Variants in PRPF8 observed in about 807,000 individuals in gnomAD.
PRPF8 encodes the protein pre-mRNA processing factor 8.
PRPF8 carries 64 observed loss-of-function variants against 285.9 expected under a neutral mutation model. The ratio of observed to expected loss-of-function variants is 0.22; its 90% CI spans 0.18 to 0.28. The LOEUF is 0.28. PRPF8 is among the 10% of genes least tolerant of loss of function. The probability of loss-of-function intolerance (pLI) is 1.00; values close to 1 mark genes in which losing one functional copy is unlikely to be tolerated. For missense variants in PRPF8, 1,426 were observed against 3,026.7 expected (o/e 0.47, Z 12.41); for synonymous variants, 1,325 against 1,118.2 (o/e 1.18, Z -3.69).
At chr17:1,684,404 C>A in intron 2 of PRPF8, 68 bp downstream of exon 2, 1 of 1,542,492 alleles carries the variant, frequency 6.5e-7, no homozygotes, top group Non-Finnish European at 8.9e-7. Flanking sequence ...GGAGGGTCCC[C>A]ACCCGCCTGC....
chr17:1,682,067 T>G (rs920338852), intron 4 of PRPF8, 29 bp from the exon 5 acceptor site: 33 of 1,613,412 alleles, frequency 2.0e-5, no homozygotes, highest in Non-Finnish European at 2.7e-5. Flanking sequence ...CACAACCATT[T>G]CTACCCACTG....
At chr17:1,680,130 A>G (rs1181500430) in intron 8 of PRPF8, among the ~76,000 whole-genome samples, 2 of 152,192 alleles carry the variant, frequency 1.3e-5, no homozygotes, top group East Asian at 3.8e-4. Flanking sequence ...CGGAACACAG[A>G]TGAGCATCAA....
Position 1,653,753 on chromosome 17 carries a change from C to G in PRPF8, c.6227+24G>C, listed in dbSNP as rs761335131. On this transcript the variant is annotated intron_variant, in intron 38 of 42. Transcript: ENST00000304992. This position sits in a 1 kb window ranked among gnomAD's most constrained non-coding sequence, Gnocchi z 4.9. ...TAGGTAGTGCAGCCGGCCTTTCCAT[C>G]CCCACCCTCTTGCCCGACAGTACCT... is the stretch of plus-strand genomic sequence containing the variant. 6.2e-7 allele frequency: 1 copy of G among 1,614,114 alleles called. No individual in the cohort carries two copies. Among genetic ancestry groups the G allele is most frequent in the Non-Finnish European group, 8.5e-7 (1 of 1,180,012 alleles).
intron 8 of PRPF8, chr17:1,680,494 G>C (rs1214466559): frequency 3.3e-6 from 2 of 603,378 alleles, no homozygotes; most frequent in Non-Finnish European, 5.9e-6. Flanking sequence ...AGATTATCTA[G>C]AGCACCCAAG....
At chr17:1,664,616 A>G (rs1418766562) in intron 24 of PRPF8, among the ~76,000 whole-genome samples, 1 of 151,562 alleles carries the variant, frequency 6.6e-6, no homozygotes, top group Admixed American at 6.6e-5. Context: ...GGTCCAACCT[A>G]GGCAAGAGTG....
rs374747769 is a variant in PRPF8 at position 1,655,548 on chromosome 17, G to A, written c.5794-5C>T. On this transcript the variant is annotated splice_polypyrimidine_tract_variant and splice_region_variant and intron_variant, in intron 36 of 42. Coordinates refer to ENST00000304992, the MANE Select transcript of PRPF8 (RefSeq NM_006445.4). ...CAGGATGAGACGGGAGAAGGCCTGG[G>A]AAAAGATTTGGAAGAGTGGGGTAGG... is the stretch of plus-strand genomic sequence containing the variant. 1.8e-5 allele frequency: 29 copies of A among 1,609,654 alleles called. No homozygotes were observed. Among genetic ancestry groups the A allele is most frequent in the Non-Finnish European group, 1.9e-5 (22 of 1,176,060 alleles).
intron 37 of PRPF8, chr17:1,654,955 C>T (rs1009021174): frequency 1.4e-5 from 3 of 215,266 alleles, no homozygotes; most frequent in South Asian, 6.3e-5. Context: ...TCTTGAGAAA[C>T]GTCTTTTTTT....
intron 13 of PRPF8, 103 bp downstream of exon 13, chr17:1,678,415 G>C: frequency 6.9e-7 from 1 of 1,439,144 alleles, no homozygotes; most frequent in South Asian, 1.2e-5. Flanking sequence ...CTCAGGAGGC[G>C]GAGGTTGCAG....
At chr17:1,652,673 G>C (rs1254538027) in intron 39 of PRPF8, 1 of 151,480 alleles carries the variant, frequency 6.6e-6, no homozygotes, top group Non-Finnish European at 1.5e-5. Flanking sequence ...AGCCTCCTGA[G>C]TAGCTGAGAT....
At chr17:1,684,359 C>G in intron 2 of PRPF8, 113 bp downstream of exon 2, 1 of 1,034,632 alleles carries the variant, frequency 9.7e-7, no homozygotes, top group Non-Finnish European at 1.5e-6. Flanking sequence ...CTGGAAATAA[C>G]AAGGGAGCTG....
Position 1,651,445 on chromosome 17 carries a change from C to T in PRPF8, c.6619G>A (p.Asp2207Asn). 1 of 1,614,192 alleles carries T rather than the reference C, an allele frequency of 6.2e-7. No individual in the cohort carries two copies. The highest frequency in any genetic ancestry group is 8.5e-7 in the Non-Finnish European group (1 of 1,180,028). Residue 2207 changes from aspartate to asparagine, a missense_variant, in exon 41 of 43, where the codon GAT (aspartate) becomes AAT (asparagine). By Grantham distance (23) the Asp-to-Asn change is conservative (BLOSUM62 1). Around this residue, in one of 34 missense-constraint regions of PRPF8, gnomAD observed 160 missense variants for 373.7 expected, o/e 0.43. Transcript: ENST00000304992. The surrounding 1 kb of genome is among the most constrained non-coding windows in gnomAD (Gnocchi z 5.1). The stretch of plus-strand genomic sequence containing the variant: ...GTGATGATAATGGTCTTCTCGCCAT[C>T]CCAAGATGGGTTGTCAGCCATGATC... ...AKIMADNPSW[D>N]GEKTIIITCS...
chr17:1,657,875 G>A (rs1422553403), intron 34 of PRPF8, among the ~76,000 whole-genome samples: 1 of 150,916 alleles, frequency 6.6e-6, no homozygotes, highest in East Asian at 1.9e-4. Flanking sequence ...GGAGGCTAAG[G>A]CAGGAGAATG....
intron 14 of PRPF8, 74 bp downstream of exon 14, chr17:1,677,491 G>A: frequency 3.1e-6 from 5 of 1,605,630 alleles, no homozygotes; most frequent in Admixed American, 1.7e-5. Flanking sequence ...ACAAGAGCAG[G>A]GAACAGACTC....
At position 1,682,197 on chromosome 17, in the gene PRPF8, G is replaced by C. The variant is rs753481553; in HGVS notation, c.366C>G (p.Ile122Met). 1.9e-6 allele frequency: 3 copies of C among 1,614,122 alleles called. No homozygotes were observed. In the Admixed American group the frequency reaches 5.0e-5, roughly 27 times the overall value. Residue 122 changes from isoleucine (I) to methionine (M), a missense_variant, in exon 4 of 43, where the codon ATC becomes ATG. Physicochemically the swap from Ile to Met is conservative, Grantham distance 10 (BLOSUM62 1). Around this residue, in one of 34 missense-constraint regions of PRPF8, gnomAD observed 96 missense variants for 188.3 expected, o/e 0.51. Transcript: ENST00000304992. ...QIRDVPVLYH[I>M]TGAISFVNEI... Reference sequence around the variant, plus strand: ...CATTGACGAAGGAAATGGCTCCAGTGATGTGGTACAGCACAGGCACATCCC... The same window carrying C: ...CATTGACGAAGGAAATGGCTCCAGTCATGTGGTACAGCACAGGCACATCCC...
At chr17:1,655,836 C>T (rs376825139) in intron 36 of PRPF8, among the ~76,000 whole-genome samples, 2 of 151,328 alleles carry the variant, frequency 1.3e-5, no homozygotes, top group African/African-American at 4.9e-5. Flanking sequence ...CTGTGTTAGC[C>T]AGGATGGTCT....
chr17:1,677,934 G>A (rs1456091455), intron 13 of PRPF8, among the ~76,000 whole-genome samples: 1 of 152,146 alleles, frequency 6.6e-6, no homozygotes, highest in Non-Finnish European at 1.5e-5. Context: ...TAAAGGAGCA[G>A]TAAGGACACA....
At chr17:1,664,993 T>G (rs1173472347) in intron 24 of PRPF8, among the ~76,000 whole-genome samples, 1 of 149,966 alleles carries the variant, frequency 6.7e-6, no homozygotes, top group East Asian at 2.0e-4. Context: ...CTGTCTCTAC[T>G]AAAAATACAA....
intron 21 of PRPF8, 36 bp downstream of exon 21, chr17:1,674,406 T>C (rs1488404531): frequency 1.9e-6 from 3 of 1,598,484 alleles, no homozygotes; most frequent in Admixed American, 1.7e-5. Flanking sequence ...CATGCCTCAG[T>C]ACCCTGCAAG....
chr17:1,665,343 T>C (rs982486011), intron 24 of PRPF8, among the ~76,000 whole-genome samples: 1 of 128,442 alleles, frequency 7.8e-6, no homozygotes, highest in Non-Finnish European at 1.7e-5. Flanking sequence ...ATCAAGACCA[T>C]CCCAGCTAAC....
Sources: gnomAD v4.1 joint callset for allele counts (sites outside exome capture counted in the v4.1 genomes callset) on GRCh38, gnomAD v4.1.1 for gene constraint, gnomAD v4.1.1 regional missense constraint, Gnocchi (gnomAD v3.1) non-coding constraint, MANE v1.5 for transcripts, NCBI Gene and HGNC (gene_info 2026-07-23, HGNC 2026-07-21) for gene names.